Variants in ZMYM2 observed in about 807,000 individuals in gnomAD.
ZMYM2 encodes the protein zinc finger MYM-type protein 2.
In ZMYM2, 56 loss-of-function variants were observed where a neutral mutation model predicts 162.8. The ratio of observed to expected loss-of-function variants is 0.34; its 90% CI spans 0.28 to 0.43. The LOEUF (loss-of-function observed/expected upper bound fraction) is 0.43. ZMYM2 is among the 20% of genes least tolerant of loss of function. ZMYM2 has a pLI of 1.00. For synonymous variants in ZMYM2, 510 were observed against 541.6 expected (o/e 0.94, Z 0.81); for missense variants, 1,275 against 1,621.8 (o/e 0.79, Z 3.67).
chr13:20,074,602 G>A (rs908055343), intron 21 of ZMYM2, among the ~76,000 whole-genome samples: 7 of 148,114 alleles, frequency 4.7e-5, no homozygotes, highest in Admixed American at 2.7e-4. Flanking sequence ...GCAGTGGCGC[G>A]ATCTCAGCTC....
At chr13:20,040,122 C>T (rs909157196) in intron 12 of ZMYM2, among the ~76,000 whole-genome samples, 1 of 151,420 alleles carries the variant, frequency 6.6e-6, no homozygotes, top group African/African-American at 2.4e-5. Context: ...AGGGAGAAGT[C>T]CCCCCTCCTC....
chr13:19,874,589 C>T, the ZMYM2 span, among the ~76,000 whole-genome samples: 1 of 152,186 alleles, frequency 6.6e-6, no homozygotes, highest in Non-Finnish European at 1.5e-5. Flanking sequence ...GATGTCAAAT[C>T]TCTCTTGGCA....
chr13:20,082,193 A>G, intron 22 of ZMYM2, 63 bp downstream of exon 22: 2 of 1,182,950 alleles, frequency 1.7e-6, no homozygotes, highest in Middle Eastern at 3.9e-4. Flanking sequence ...TTTACAGAGT[A>G]TGTTTGAAAA....
chr13:19,928,507 C>T, the ZMYM2 span, among the ~76,000 whole-genome samples: 3 of 152,000 alleles, frequency 2.0e-5, no homozygotes, highest in East Asian at 1.9e-4. Flanking sequence ...GTTTAAACAA[C>T]CATACCAGGC....
intron 12 of ZMYM2, among the ~76,000 whole-genome samples, chr13:20,042,672 C>T (rs1217532419): frequency 6.6e-6 from 1 of 151,986 alleles, no homozygotes; most frequent in Non-Finnish European, 1.5e-5. Flanking sequence ...TCTTTGTGGG[C>T]TTACATTCCT....
At chr13:19,924,610 G>T in the ZMYM2 span, among the ~76,000 whole-genome samples, 1 of 152,140 alleles carries the variant, frequency 6.6e-6, no homozygotes, top group Admixed American at 6.6e-5. Flanking sequence ...TGTCCTCAAG[G>T]CTGCTCTATG....
intron 12 of ZMYM2, among the ~76,000 whole-genome samples, chr13:20,040,202 G>C (rs150845615): frequency 9.3e-4 from 142 of 152,274 alleles, no homozygotes; most frequent in African/African-American, 3.4e-3. Flanking sequence ...ATTGTGTTGT[G>C]AATCCATCTG....
chr13:19,993,187 G>T lies in ZMYM2; in HGVS notation c.115G>T (p.Ala39Ser), dbSNP rs73428008. The change falls in exon 3 of 25, where the codon GCT (alanine) becomes TCT (serine). Residue 39 changes from alanine to serine, a missense_variant. By Grantham distance (99) the Ala-to-Ser change is moderately conservative. Transcript: ENST00000610343. ...TGTAGGAAACTCATTTAGTGGTCCA[G>T]CTAATCCTTTAGTGTCTAGATCTAA... ...TNVGNSFSGPANPLVSRSNKF... is the reference protein window; with the variant it reads ...TNVGNSFSGPSNPLVSRSNKF... 58 of 1,613,980 alleles carry T rather than the reference G, an allele frequency of 3.6e-5. No homozygotes were observed. Among genetic ancestry groups the T allele is most frequent in the Non-Finnish European group, 4.7e-5 (55 of 1,180,010 alleles).
chr13:20,002,086 A>G (rs184456124), intron 3 of ZMYM2, among the ~76,000 whole-genome samples: 5 of 152,302 alleles, frequency 3.3e-5, no homozygotes, highest in African/African-American at 7.2e-5. Flanking sequence ...CACTCTTTCT[A>G]TGAGATTATG....
At chr13:20,044,448 G>A (rs901109825) in intron 12 of ZMYM2, among the ~76,000 whole-genome samples, 7 of 152,170 alleles carry the variant, frequency 4.6e-5, no homozygotes, top group African/African-American at 1.4e-4. Flanking sequence ...GCTTCTCTCT[G>A]TCTTCCCTCC....
upstream of ZMYM2, among the ~76,000 whole-genome samples, chr13:19,955,724 C>T (rs994620251): frequency 1.3e-5 from 2 of 152,098 alleles, no homozygotes; most frequent in Non-Finnish European, 2.9e-5. Context: ...TGGGTTCAAG[C>T]GATTCTCCTG....
At chr13:19,975,394 G>A (rs1227004887) in intron 2 of ZMYM2, among the ~76,000 whole-genome samples, 2 of 151,926 alleles carry the variant, frequency 1.3e-5, no homozygotes, top group Non-Finnish European at 2.9e-5. Context: ...CTTCTGTATC[G>A]AACTACCTCA....
At chr13:20,000,234 G>A (rs532435705) in intron 3 of ZMYM2, among the ~76,000 whole-genome samples, 1 of 152,200 alleles carries the variant, frequency 6.6e-6, no homozygotes, top group Non-Finnish European at 1.5e-5. Context: ...TGAGAACTGA[G>A]AGAGATAAGG....
chr13:19,983,503 A>G (rs1263969223), intron 2 of ZMYM2, among the ~76,000 whole-genome samples: 3 of 152,138 alleles, frequency 2.0e-5, no homozygotes, highest in Non-Finnish European at 2.9e-5. Flanking sequence ...TGTTACTTCT[A>G]TAACAGTGCT....
At chr13:19,907,634 T>C in the ZMYM2 span, among the ~76,000 whole-genome samples, 1 of 151,562 alleles carries the variant, frequency 6.6e-6, no homozygotes, top group Admixed American at 6.6e-5. Context: ...TGGTGGCAGG[T>C]GCCTGTAATC....
intron 12 of ZMYM2, among the ~76,000 whole-genome samples, chr13:20,049,224 G>A (rs1035322848): frequency 6.7e-6 from 1 of 150,272 alleles, no homozygotes; most frequent in African/African-American, 2.5e-5. Flanking sequence ...GTTTACATTT[G>A]TAAATTGGTA....
intron 3 of ZMYM2, among the ~76,000 whole-genome samples, chr13:19,999,910 A>G (rs889305409): frequency 1.3e-5 from 2 of 152,094 alleles, no homozygotes; most frequent in African/African-American, 2.4e-5. Flanking sequence ...AGATCCTCCC[A>G]TCTCAGCCTC....
intron 2 of ZMYM2, among the ~76,000 whole-genome samples, chr13:19,971,116 C>A (rs532878924): frequency 6.6e-6 from 1 of 151,210 alleles, no homozygotes; most frequent in Non-Finnish European, 1.5e-5. Context: ...TCAAAGCAGA[C>A]GGAAATATTA....
chr13:19,936,884 A>G, the ZMYM2 span, among the ~76,000 whole-genome samples: 1 of 152,130 alleles, frequency 6.6e-6, no homozygotes, highest in Admixed American at 6.6e-5. Context: ...TGAATGTCCT[A>G]TTAGAAAATA....
Sources: allele counts gnomAD v4.1 joint callset (sites outside exome capture counted in the v4.1 genomes callset), GRCh38; gene constraint gnomAD v4.1.1; transcripts MANE v1.5; gene names NCBI Gene and HGNC (gene_info 2026-07-23, HGNC 2026-07-21).